MLIP: variants seen among roughly 807,000 people sequenced by gnomAD.
MLIP encodes the protein muscular LMNA interacting protein, also known as muscular LMNA-interacting protein.
Under a neutral mutation model 84.8 loss-of-function variants are expected in MLIP, and 79 were observed. The observed-to-expected ratio is 0.93, with a 90% CI of 0.78 to 1.12. The LOEUF is 1.12. Ranked by LOEUF, MLIP falls within the 50% of genes most tolerant of loss-of-function variation. The pLI is 0.00. For synonymous variants in MLIP, 504 were observed against 463.0 expected (o/e 1.09, Z -1.14); for missense variants, 1,257 against 1,160.6 (o/e 1.08, Z -1.21).
At chr6:54,115,713 A>G (rs1482248074) in intron 1 of MLIP, among the ~76,000 whole-genome samples, 1 of 152,164 alleles carries the variant, frequency 6.6e-6, no homozygotes, top group Non-Finnish European at 1.5e-5. Flanking sequence ...TGCAGCTAAG[A>G]GAGATTGTGA....
intron 1 of MLIP, among the ~76,000 whole-genome samples, chr6:54,070,104 T>C (rs1463266494): frequency 6.6e-6 from 1 of 152,166 alleles, no homozygotes; most frequent in African/African-American, 2.4e-5. Flanking sequence ...GCACAACAAA[T>C]AATTGTTTGC....
chr6:54,166,935 C>T (rs1775257637), intron 8 of MLIP, among the ~76,000 whole-genome samples: 1 of 151,988 alleles, frequency 6.6e-6, no homozygotes, highest in Non-Finnish European at 1.5e-5. Flanking sequence ...GAATTTCGCT[C>T]TTTCATTTGC....
At chr6:54,108,826 GA>G (rs1769206670), upstream of MLIP, among the ~76,000 whole-genome samples, 1 of 151,988 alleles carries the variant, frequency 6.6e-6, no homozygotes. Flanking sequence ...GAGAGAATGA[GA>G]GAAAGAAAAG....
In MLIP at chr6:54,259,226, A is replaced by G. The variant is rs146953639; in HGVS notation, c.2976+1865A>G. Among the ~76,000 whole-genome samples the G allele has an allele frequency of 4.2e-3, 640 of 151,900 alleles. 4 individuals carry two copies. Among genetic ancestry groups the G allele is most frequent in the African/African-American group, 0.014 (600 of 41,530 alleles). ...ATTAAAGTTAATAACTTTTTGTCAA[A>G]TGTGTTAGCTCTTTCAGTATGATAG... On this transcript the variant is annotated intron_variant, in intron 13 of 13. Transcript: ENST00000502396.
intron 1 of MLIP, among the ~76,000 whole-genome samples, chr6:54,058,532 C>T (rs905213156): frequency 1.3e-5 from 2 of 152,204 alleles, no homozygotes; most frequent in African/African-American, 4.8e-5. Flanking sequence ...ATGAAGCTTA[C>T]ATTCTAACAG....
chr6:54,237,231 G>T (rs1166952273), intron 12 of MLIP, among the ~76,000 whole-genome samples: 1 of 151,630 alleles, frequency 6.6e-6, no homozygotes, highest in Non-Finnish European at 1.5e-5. Context: ...CATATGGCTG[G>T]GGAACTCTGG....
chr6:54,216,640 C>G (rs886156738), intron 11 of MLIP: 1 of 971,994 alleles, frequency 1.0e-6, no homozygotes, highest in African/African-American at 1.8e-5. Context: ...AATAGCTAAG[C>G]ATATGCTAAA....
Position 54,137,565 on chromosome 6 carries a change from C to A in MLIP, c.1496C>A (p.Ser499Tyr). The A allele has an allele frequency of 6.5e-7, 1 of 1,536,128 alleles. No individual in the cohort carries two copies. The highest frequency in any genetic ancestry group is 8.7e-7 in the Non-Finnish European group (1 of 1,146,892). Residue 499 changes from serine (S) to tyrosine (Y), a missense_variant, in exon 4 of 14, where the codon TCT becomes TAT. Ser to Tyr is a moderately radical substitution (Grantham distance 144, BLOSUM62 -2). Coordinates refer to ENST00000502396, the MANE Select transcript of MLIP (RefSeq NM_001281747.2). ...QSFHLPVFTK[S>Y]TPLSQAPSLS... ...TTTCACCTGCCTGTTTTCACCAAGT[C>A]TACTCCGCTTTCTCAGGCGCCCTCC...
rs536904563 is a variant in MLIP, at chr6:54,067,624, A to G, written c.63+48533A>G. ...AGGCTAAATTTTACTGCTCTCTTCT[A>G]AACAGGCAATCAGCATTTTGAGATT... On this transcript the variant is annotated intron_variant, in intron 1 of 12. Transcript: ENST00000274897. Among the ~76,000 whole-genome samples, 9 of 101,568 alleles carry G rather than the reference A, an allele frequency of 8.9e-5. 3 individuals are homozygous for G. In the South Asian group the frequency reaches 3.1e-3, roughly 35 times the overall value. 66.6% of individuals were successfully genotyped at this position (101,568 alleles called of 152,430 possible).
intron 1 of MLIP, among the ~76,000 whole-genome samples, chr6:54,057,005 AC>A (rs1765700191): frequency 6.6e-6 from 1 of 152,230 alleles, no homozygotes; most frequent in African/African-American, 2.4e-5. Flanking sequence ...CATAGGGTTA[AC>A]ATTTATTGAA....
chr6:54,258,615 G>A (rs1056462499), intron 13 of MLIP, among the ~76,000 whole-genome samples: 33 of 151,952 alleles, frequency 2.2e-4, no homozygotes, highest in African/African-American at 7.2e-5. Flanking sequence ...AATAATATCT[G>A]TCTCCATGCA....
At chr6:54,256,469 A>C (rs1783011913) in intron 12 of MLIP, among the ~76,000 whole-genome samples, 1 of 152,142 alleles carries the variant, frequency 6.6e-6, no homozygotes, top group Admixed American at 6.6e-5. Flanking sequence ...GATGGCAGAA[A>C]TAAGAAATAT....
At position 54,143,287 on chromosome 6, in the gene MLIP, G is replaced by A. The variant is rs76075702; in HGVS notation, c.2217+5001G>A. On this transcript the variant is annotated intron_variant, in intron 4 of 13. Transcript: ENST00000502396. The stretch of plus-strand genomic sequence containing the variant: ...GGCTGGAGTGCAATGGCGCAATCTC[G>A]GCTCACTGCAACCTCTGCCTCCCAG... Among the ~76,000 whole-genome samples, 127 of 149,716 alleles carry A rather than the reference G, an allele frequency of 8.5e-4. No homozygotes were observed. In the East Asian group the frequency reaches 0.011, roughly 13 times the overall value.
intron 1 of MLIP, among the ~76,000 whole-genome samples, chr6:54,069,758 A>G (rs9382283): frequency 0.15 from 14,607 of 98,816 alleles, 5,305 homozygotes; most frequent in East Asian, 0.63. Flanking sequence ...TGGAGGGCCA[A>G]CTTCACACAA....
Position 54,265,932 on chromosome 6 carries a change from T to G in MLIP, c.2977-18T>G. ...TTTATTCATCTTAACCTGACTACCA[T>G]ATTCTCTTATTTTACAGCAATGAAG... On this transcript the variant is annotated intron_variant, in intron 13 of 13. Coordinates refer to ENST00000502396, the MANE Select transcript of MLIP (RefSeq NM_001281747.2). 1 of 1,609,566 alleles carries G rather than the reference T, an allele frequency of 6.2e-7. No homozygotes were observed. The highest frequency in any genetic ancestry group is 2.2e-5 in the East Asian group (1 of 44,720).
At chr6:54,211,658 T>C (rs773840050) in intron 11 of MLIP, among the ~76,000 whole-genome samples, 2 of 152,222 alleles carry the variant, frequency 1.3e-5, no homozygotes, top group South Asian at 2.1e-4. Context: ...TCAGTGATTC[T>C]CAACCAGAGA....
chr6:54,215,095 C>A (rs1417062802), intron 11 of MLIP: 5 of 1,405,902 alleles, frequency 3.6e-6, no homozygotes, highest in Non-Finnish European at 4.9e-6. Context: ...ACCTTTTCTA[C>A]ACGCTGTGTA....
At chr6:54,047,119 T>A (rs2150311339) in intron 1 of MLIP, 1 of 152,306 alleles carries the variant, frequency 6.6e-6, no homozygotes, top group Middle Eastern at 3.4e-3. Flanking sequence ...AGCGTCAAAG[T>A]TACGTGGTAG....
chr6:54,049,063 T>C (rs1054487073), intron 1 of MLIP, among the ~76,000 whole-genome samples: 1 of 152,128 alleles, frequency 6.6e-6, no homozygotes, highest in African/African-American at 2.4e-5. Context: ...AGATTTGTTT[T>C]AAAGAAAGAA....
Sources: gnomAD v4.1 joint callset for allele counts (sites outside exome capture counted in the v4.1 genomes callset) on GRCh38, gnomAD v4.1.1 for gene constraint, MANE v1.5 for transcripts, NCBI Gene and HGNC (gene_info 2026-07-23, HGNC 2026-07-21) for gene names.